The following ADCY7 variants were observed in gnomAD, a reference collection of about 807,000 sequenced individuals.
The protein encoded by ADCY7 is adenylate cyclase 7.
A neutral mutation model predicts 120.6 loss-of-function variants in ADCY7; 72 were observed. The ratio of observed to expected loss-of-function variants is 0.60; its 90% CI spans 0.49 to 0.73. The LOEUF (loss-of-function observed/expected upper bound fraction) is 0.73. Among genes scored for constraint, ADCY7 ranks in the 30% least tolerant of loss-of-function variants. The pLI, the probability that ADCY7 is intolerant of heterozygous loss-of-function variation, is 0.00. For synonymous variants in ADCY7, 661 were observed against 628.0 expected, an observed-to-expected ratio of 1.05 and a Z score of -0.78; for missense variants, 1,227 against 1,486.0, an observed-to-expected ratio of 0.83 and a Z score of 2.87.
chr16:50,267,104 A>C (rs2033263338), intron 1 of ADCY7, among the ~76,000 whole-genome samples: 1 of 152,226 alleles, frequency 6.6e-6, no homozygotes, highest in South Asian at 2.1e-4. Context: ...AATTTTATGA[A>C]ATTATAAAAC....
At chr16:50,259,943 A>T (rs2033015363) in intron 1 of ADCY7, among the ~76,000 whole-genome samples, 1 of 152,136 alleles carries the variant, frequency 6.6e-6, no homozygotes, top group Non-Finnish European at 1.5e-5. Flanking sequence ...AGGTGGGTGG[A>T]TGCACTGGAA....
intron 14 of ADCY7, among the ~76,000 whole-genome samples, chr16:50,306,691 G>A (rs2036089465): frequency 6.6e-6 from 1 of 152,194 alleles, no homozygotes; most frequent in Non-Finnish European, 1.5e-5. Context: ...GCTCTGCAGG[G>A]ACCTTGGAAA....
rs116700875 is a variant in ADCY7 at position 50,311,287 on chromosome 16, G to A, written c.2355-406G>A. Among the ~76,000 whole-genome samples the A allele has an allele frequency of 5.5e-3, 843 of 152,218 alleles. 8 individuals are homozygous for A. Among genetic ancestry groups the A allele is most frequent in the African/African-American group, 0.019 (809 of 41,530 alleles). On this transcript the variant is annotated intron_variant, in intron 19 of 25. Transcript: ENST00000673801. ...CTGGGTCCCAAGTGGATTAAGGAGC[G>A]GACCTGGCCCCCCTAAACAAAAAAG...
intron 23 of ADCY7, 85 bp from the exon 24 acceptor site, chr16:50,314,207 A>T (rs2036650987): frequency 1.4e-6 from 2 of 1,440,868 alleles, no homozygotes; most frequent in Non-Finnish European, 1.9e-6. Flanking sequence ...AGTGGTGGGG[A>T]TCCTCAACAA....
chr16:50,290,761 G>A, intron 3 of ADCY7, 101 bp downstream of exon 3: 1 of 1,307,024 alleles, frequency 7.7e-7, no homozygotes, highest in Non-Finnish European at 1.1e-6. Flanking sequence ...ACGCTTGGCT[G>A]TGTGTCTAGG....
intron 1 of ADCY7, chr16:50,274,200 T>G (rs1217057861): frequency 6.6e-6 from 1 of 151,476 alleles, no homozygotes; most frequent in Non-Finnish European, 1.5e-5. Context: ...GGCCAAGGGG[T>G]GAGCAGAGAT....
intron 4 of ADCY7, 134 bp from the exon 5 acceptor site, chr16:50,292,542 G>C: frequency 1.8e-6 from 2 of 1,135,134 alleles, no homozygotes; most frequent in Non-Finnish European, 2.5e-6. Context: ...TCTGCCCCAG[G>C]AAGAGTGCCA....
chr16:50,313,052 C>T lies in ADCY7; in HGVS notation c.2751+16C>T. On this transcript the variant is annotated intron_variant, in intron 22 of 25. Coordinates refer to ENST00000673801, the MANE Select transcript of ADCY7 (RefSeq NM_001114.5). ...CTTCGACGAGGTACAGCCTCTAGCC[C>T]AGCCTTGCGCAGCAGCCCCCACCCA... The T allele has an allele frequency of 6.2e-7, 1 of 1,613,436 alleles. No individual in the cohort carries two copies. The highest frequency in any genetic ancestry group is 8.5e-7 in the Non-Finnish European group (1 of 1,179,474).
chr16:50,306,409 G>T (rs2036071388), intron 14 of ADCY7, among the ~76,000 whole-genome samples: 1 of 152,208 alleles, frequency 6.6e-6, no homozygotes, highest in African/African-American at 2.4e-5. Flanking sequence ...TTCAGGTGTG[G>T]CTCCCTGAGT....
chr16:50,306,938 C>A (rs562190475), intron 14 of ADCY7, 112 bp from the exon 15 acceptor site: 14 of 788,920 alleles, frequency 1.8e-5, no homozygotes, highest in Non-Finnish European at 2.0e-6. Flanking sequence ...GGATTACAAG[C>A]GTGAGCCACT....
At chr16:50,285,571 G>T (rs1331213662) in intron 1 of ADCY7, among the ~76,000 whole-genome samples, 1 of 152,170 alleles carries the variant, frequency 6.6e-6, no homozygotes, top group African/African-American at 2.4e-5. Context: ...TTCTGCTGGC[G>T]GCTGGCCATT....
At position 50,311,693 on chromosome 16, in the gene ADCY7, T is replaced by C; in HGVS notation, c.2355T>C (p.Ser785=). 1.2e-6 allele frequency: 2 copies of C among 1,612,122 alleles called. No individual in the cohort carries two copies. Residue 785 remains serine, a splice_region_variant and synonymous_variant, in exon 20 of 26, where the codon AGT becomes AGC. Coordinates refer to ENST00000673801, the MANE Select transcript of ADCY7 (RefSeq NM_001114.5). ...GNLTKPNGTT[S]GTPSCSWKDL... ...GACTTGGGCCTCCCTTCGCATTCAG[T>C]GGCACCCCTAGCTGTTCCTGGAAGG...
At chr16:50,289,192 G>GT (rs375075741) in intron 2 of ADCY7, 3,350 of 302,762 alleles carry the variant, frequency 0.011, 6 homozygotes, top group South Asian at 0.02. Flanking sequence ...TCCTCCTTTT[G>GT]TTTTTTTTTT....
Position 50,315,802 on chromosome 16 carries a change from C to T in ADCY7, c.*297C>T. On this transcript the variant is annotated 3_prime_UTR_variant, in exon 26 of 26. Coordinates refer to ENST00000673801, the MANE Select transcript of ADCY7 (RefSeq NM_001114.5). Reference sequence around the variant, plus strand: ...GGGCTGACTTTGAGATCTTTGTTCCCTGAGGTGCCAGGCAGGCAACTTTAG... The same window carrying T: ...GGGCTGACTTTGAGATCTTTGTTCCTTGAGGTGCCAGGCAGGCAACTTTAG... 3.1e-6 allele frequency: 1 copy of T among 327,320 alleles called. No individual in the cohort carries two copies. The highest frequency in any genetic ancestry group is 5.8e-6 in the Non-Finnish European group (1 of 171,450). 20.3% of individuals were successfully genotyped at this position (327,320 alleles called of 1,614,324 possible).
chr16:50,305,917 G>A (rs1386411599), intron 14 of ADCY7, 68 bp downstream of exon 14: 17 of 1,495,374 alleles, frequency 1.1e-5, no homozygotes, highest in Middle Eastern at 1.7e-4. Flanking sequence ...GGTGGGGGAC[G>A]CAGGTCATGG....
At chr16:50,305,087 G>A in intron 12 of ADCY7, 128 bp downstream of exon 12, 2 of 1,234,476 alleles carry the variant, frequency 1.6e-6, no homozygotes, top group Middle Eastern at 2.2e-4. Flanking sequence ...AGTTGGCCAG[G>A]GCTTGGGTCA....
At chr16:50,300,896 C>G in intron 9 of ADCY7, 23 bp downstream of exon 9, 1 of 1,552,436 alleles carries the variant, frequency 6.4e-7, no homozygotes, top group South Asian at 1.2e-5. Context: ...TGGGTAGCCG[C>G]AGGGACAGAG....
chr16:50,290,508 G>T lies in ADCY7; in HGVS notation c.223G>T (p.Val75Leu), dbSNP rs373203691. The T allele has an allele frequency of 1.9e-5, 30 of 1,614,104 alleles. No individual in the cohort carries two copies. Among genetic ancestry groups the T allele is most frequent in the Non-Finnish European group, 2.5e-5 (30 of 1,180,052 alleles). The change falls in exon 3 of 26, where the codon GTG becomes TTG. Residue 75 changes from valine to leucine, a missense_variant. Val to Leu is a conservative substitution (Grantham distance 32, BLOSUM62 1). This residue lies in a region of ADCY7 where 382 missense variants were observed against 411.4 expected (regional missense o/e 0.93). Coordinates refer to ENST00000673801, the MANE Select transcript of ADCY7 (RefSeq NM_001114.5). ...GGGCATGGCGTTCCTGGTGCTGGCG[G>T]TGTTTGCGGCCCTCTCTGTGCTGAT... The part of the protein sequence containing the change: ...ILGMAFLVLA[V>L]FAALSVLMYV...
intron 1 of ADCY7, among the ~76,000 whole-genome samples, chr16:50,252,624 A>T (rs1410516378): frequency 2.6e-5 from 4 of 152,170 alleles, no homozygotes; most frequent in African/African-American, 7.2e-5. Flanking sequence ...TGTTCAACAG[A>T]TGGGGAAACT....
Sources: allele counts gnomAD v4.1 joint callset (sites outside exome capture counted in the v4.1 genomes callset), GRCh38; gene constraint gnomAD v4.1.1; regional missense constraint gnomAD v4.1.1; transcripts MANE v1.5; gene names NCBI Gene and HGNC (gene_info 2026-07-23, HGNC 2026-07-21).